CMC1: variants seen among roughly 807,000 people sequenced by gnomAD.
CMC1 encodes COX assembly mitochondrial protein homolog.
A neutral mutation model predicts 14.1 loss-of-function variants in CMC1; 14 were observed. That is an observed-to-expected ratio of 0.99 (90% CI 0.66 to 1.55). The LOEUF (loss-of-function observed/expected upper bound fraction) is 1.55, where lower values mean the gene tolerates loss of function less well. Among genes scored for constraint, CMC1 ranks in the 40% most tolerant of loss-of-function variants. The pLI is 0.00. For synonymous variants in CMC1, 50 were observed against 38.4 expected, an observed-to-expected ratio of 1.30 and a Z score of -1.12; for missense variants, 127 against 123.8, an observed-to-expected ratio of 1.03 and a Z score of -0.12.
In CMC1 at chr3:28,316,007, A is replaced by G. The variant is rs144349044; in HGVS notation, c.110-326A>G. ...TCTCTACTAGAAATCCTATCTCTAC[A>G]TCCTGTCTCTATGAAGTCTCCTTGC... On this transcript the variant is annotated intron_variant, in intron 2 of 3. Transcript: ENST00000466830. The G allele has an allele frequency of 2.2e-4, 38 of 176,190 alleles. 2 individuals carry two copies. The highest frequency in any genetic ancestry group is 1.6e-3 in the South Asian group (9 of 5,526). The allele number at this position is 176,190 out of a possible 1,614,324, so 10.9% of individuals were successfully genotyped here.
intron 2 of CMC1, among the ~76,000 whole-genome samples, chr3:28,286,106 T>A (rs936417781): frequency 1.3e-5 from 2 of 152,186 alleles, no homozygotes; most frequent in Non-Finnish European, 2.9e-5. Context: ...ATACATTTTA[T>A]ACTTGTATAT....
At chr3:28,249,012 G>A (rs934874240) in intron 1 of CMC1, among the ~76,000 whole-genome samples, 2 of 152,108 alleles carry the variant, frequency 1.3e-5, no homozygotes, top group African/African-American at 2.4e-5. Flanking sequence ...GGATGGTCTC[G>A]ATCTCCTGAC....
At chr3:28,258,908 C>G (rs989761784) in intron 1 of CMC1, among the ~76,000 whole-genome samples, 2 of 152,110 alleles carry the variant, frequency 1.3e-5, no homozygotes, top group Non-Finnish European at 2.9e-5. Context: ...CAGGCGTGAG[C>G]CACTGTGCCT....
chr3:28,297,730 A>G (rs1045891786), intron 2 of CMC1, among the ~76,000 whole-genome samples: 2 of 152,048 alleles, frequency 1.3e-5, no homozygotes, highest in Admixed American at 1.3e-4. Flanking sequence ...ATTCCAGCTT[A>G]GAAAAAAGGT....
intron 2 of CMC1, among the ~76,000 whole-genome samples, chr3:28,289,620 C>T (rs759422210): frequency 1.1e-4 from 17 of 152,002 alleles, no homozygotes; most frequent in Admixed American, 3.9e-4. Flanking sequence ...AGAAACTTAA[C>T]GTTAGATGAA....
chr3:28,316,242 T>TA (rs2125613263), intron 2 of CMC1, 91 bp from the exon 3 acceptor site: 1 of 381,414 alleles, frequency 2.6e-6, no homozygotes, highest in East Asian at 5.3e-5. Flanking sequence ...ACAGGCTTTC[T>TA]TTTTTTTTTT....
intron 2 of CMC1, among the ~76,000 whole-genome samples, chr3:28,302,873 T>A (rs1405462080): frequency 6.6e-6 from 1 of 152,164 alleles, no homozygotes; most frequent in African/African-American, 2.4e-5. Context: ...CTGGGTTAAG[T>A]CTCTATTGCG....
chr3:28,248,983 G>C (rs981846485), intron 1 of CMC1, among the ~76,000 whole-genome samples: 41 of 152,158 alleles, frequency 2.7e-4, no homozygotes, highest in Admixed American at 1.1e-3. Flanking sequence ...GTAGAGATGG[G>C]GTTTCACTGT....
intron 2 of CMC1, among the ~76,000 whole-genome samples, chr3:28,307,256 T>C (rs1247694125): frequency 6.6e-6 from 1 of 152,174 alleles, no homozygotes; most frequent in Non-Finnish European, 1.5e-5. Context: ...ATACTATATT[T>C]CCTTTTTGTC....
At chr3:28,306,337 T>G (rs1156966544) in intron 2 of CMC1, among the ~76,000 whole-genome samples, 1 of 152,126 alleles carries the variant, frequency 6.6e-6, no homozygotes, top group Non-Finnish European at 1.5e-5. Flanking sequence ...GTTTTTTCAT[T>G]TGTTTCATCT....
intron 1 of CMC1, among the ~76,000 whole-genome samples, chr3:28,252,875 T>C (rs1699202560): frequency 1.3e-5 from 2 of 152,238 alleles, no homozygotes; most frequent in South Asian, 2.1e-4. Flanking sequence ...TTATGAAGAC[T>C]GTATGTATTC....
At position 28,266,499 on chromosome 3, in the gene CMC1, A is replaced by G. The variant is rs557088111; in HGVS notation, c.109+3119A>G. ...AATAATGTAAAATAAACACAAAAGTATATGGTTTTTTTTTTTCCTTTTTCT... is the reference window on the plus strand; with the variant it reads ...AATAATGTAAAATAAACACAAAAGTGTATGGTTTTTTTTTTTCCTTTTTCT... On this transcript the variant is annotated intron_variant, in intron 2 of 3. Coordinates refer to ENST00000466830, the MANE Select transcript of CMC1 (RefSeq NM_182523.2). Among the ~76,000 whole-genome samples, 27 of 151,804 alleles carry G rather than the reference A, an allele frequency of 1.8e-4. No individual in the cohort carries two copies. The East Asian group carries it at 5.0e-3, about 28-fold the overall frequency.
Position 28,319,551 on chromosome 3 carries a change from C to T in CMC1, c.243C>T (p.Tyr81=), listed in dbSNP as rs746229689. Residue 81 remains tyrosine (Y), a synonymous_variant, in exon 4 of 4, where the codon TAC becomes TAT. Transcript: ENST00000466830. Reference sequence around the variant, plus strand: ...TTTATGAAGAATGCAAAATGGAATACCTGAAGGAAAGGGAAGAATTCAGAA... The same window carrying T: ...TTTATGAAGAATGCAAAATGGAATATCTGAAGGAAAGGGAAGAATTCAGAA... ...PAFYEECKME[Y]LKEREEFRKT... 50 of 1,605,934 alleles carry T rather than the reference C, an allele frequency of 3.1e-5. No individual in the cohort carries two copies. The highest frequency in any genetic ancestry group is 3.1e-4 in the South Asian group (28 of 90,470).
chr3:28,261,177 T>G (rs186996282), intron 1 of CMC1, among the ~76,000 whole-genome samples: 1 of 144,784 alleles, frequency 6.9e-6, no homozygotes, highest in Non-Finnish European at 1.5e-5. Context: ...ATGCGTTCAG[T>G]TTTTTTTTTT....
In CMC1 at chr3:28,322,351, C is replaced by T. The variant is rs1333508691; in HGVS notation, c.*2722C>T. The T allele has an allele frequency of 6.6e-6, 1 of 151,210 alleles. No homozygotes were observed. The highest frequency in any genetic ancestry group is 1.5e-5 in the Non-Finnish European group (1 of 67,430). The allele number at this position is 151,210 out of a possible 1,614,324, so 9.4% of individuals were successfully genotyped here. A position where few individuals can be genotyped will look rare whatever the true frequency, so the allele number is the denominator to read the frequency against. On this transcript the variant is annotated 3_prime_UTR_variant, in exon 4 of 4. Coordinates refer to ENST00000466830, the MANE Select transcript of CMC1 (RefSeq NM_182523.2). ...ATAGGCAAGGACAATATTTCACATCCACTTCAATTTCAAACAAAAATATTT... is the reference window on the plus strand; with the variant it reads ...ATAGGCAAGGACAATATTTCACATCTACTTCAATTTCAAACAAAAATATTT...
intron 1 of CMC1, chr3:28,262,975 A>G (rs1383198775): frequency 8.6e-6 from 2 of 232,022 alleles, no homozygotes; most frequent in Non-Finnish European, 1.7e-5. Flanking sequence ...TGTGGATTAT[A>G]TTAATAAGGG....
intron 2 of CMC1, among the ~76,000 whole-genome samples, chr3:28,299,438 T>G (rs1269049659): frequency 6.6e-6 from 1 of 152,092 alleles, no homozygotes; most frequent in African/African-American, 2.4e-5. Flanking sequence ...GAGAGAAGCT[T>G]TCTTTTGTAC....
At chr3:28,287,481 A>G (rs1468995762) in intron 2 of CMC1, among the ~76,000 whole-genome samples, 1 of 151,980 alleles carries the variant, frequency 6.6e-6, no homozygotes, top group Admixed American at 6.5e-5. Flanking sequence ...TTTTTTTCCT[A>G]TTATTGAAAA....
In CMC1 at chr3:28,316,315, C is replaced by T; in HGVS notation, c.110-18C>T. 4 of 1,397,238 alleles carry T rather than the reference C, an allele frequency of 2.9e-6. No individual in the cohort carries two copies. The highest frequency in any genetic ancestry group is 1.3e-5 in the South Asian group (1 of 75,268). 86.6% of individuals were successfully genotyped at this position (1,397,238 alleles called of 1,614,324 possible). On this transcript the variant is annotated intron_variant, in intron 2 of 3. Coordinates refer to ENST00000466830, the MANE Select transcript of CMC1 (RefSeq NM_182523.2). ...AGATATAATTACAAGTAATTTTTTC[C>T]TTCCAAATTTATTTCAGATTTTACC...
Sources: gnomAD v4.1 joint callset for allele counts (sites outside exome capture counted in the v4.1 genomes callset) on GRCh38, gnomAD v4.1.1 for gene constraint, MANE v1.5 for transcripts, NCBI Gene and HGNC (gene_info 2026-07-23, HGNC 2026-07-21) for gene names.